The following LSAMP variants were observed in gnomAD, a reference collection of about 807,000 sequenced individuals.
LSAMP encodes limbic system associated membrane protein, also known as limbic system-associated membrane protein.
Under a neutral mutation model 38.6 loss-of-function variants are expected in LSAMP, and 7 were observed. That is an observed-to-expected ratio of 0.18 (90% CI 0.10 to 0.34). The LOEUF is 0.34. Ranked by LOEUF, LSAMP falls within the 10% of genes least tolerant of loss-of-function variation. The pLI is 1.00. For missense variants in LSAMP, 313 were observed against 420.0 expected, an observed-to-expected ratio of 0.75 and a Z score of 2.23; for synonymous variants, 154 against 166.8, an observed-to-expected ratio of 0.92 and a Z score of 0.59.
chr3:115,944,719 A>G (rs1233544208), intron 3 of LSAMP, among the ~76,000 whole-genome samples: 2 of 152,172 alleles, frequency 1.3e-5, no homozygotes, highest in Non-Finnish European at 2.9e-5. Flanking sequence ...TTGAGGCCCA[A>G]TGAGTTAAGA....
intron 3 of LSAMP, among the ~76,000 whole-genome samples, chr3:115,995,938 T>C (rs916143560): frequency 6.6e-6 from 1 of 152,030 alleles, no homozygotes; most frequent in Non-Finnish European, 1.5e-5. Context: ...AGATACAATA[T>C]ATTAACAATC....
chr3:116,041,118 C>G (rs1941161662), intron 2 of LSAMP, among the ~76,000 whole-genome samples: 1 of 152,052 alleles, frequency 6.6e-6, no homozygotes, highest in African/African-American at 2.4e-5. Flanking sequence ...GAAATTGGGT[C>G]TCACTATATT....
intron 3 of LSAMP, among the ~76,000 whole-genome samples, chr3:115,996,776 C>G (rs1013444015): frequency 1.1e-4 from 17 of 151,866 alleles, no homozygotes; most frequent in Non-Finnish European, 2.1e-4. Context: ...TCATTTCCTC[C>G]CCTCCTCTCA....
chr3:116,144,340 T>C lies in LSAMP; in HGVS notation c.156-57784A>G, dbSNP rs548274710. 1.3e-4 allele frequency among the ~76,000 whole-genome samples: 20 copies of C among 151,960 alleles called. 1 individual carries two copies. The highest frequency in any genetic ancestry group is 2.0e-4 in the Admixed American group (3 of 15,236). ...TTGCTTGTGACCAGCCTGGGTAATA[T>C]AGTGAGACCTTGTCACTACAAAAAA... On this transcript the variant is annotated intron_variant, in intron 1 of 6. Coordinates refer to ENST00000490035, the MANE Select transcript of LSAMP (RefSeq NM_002338.5).
chr3:116,313,252 C>T (rs1303976392), intron 1 of LSAMP, among the ~76,000 whole-genome samples: 1 of 152,202 alleles, frequency 6.6e-6, no homozygotes, highest in Admixed American at 6.5e-5. Flanking sequence ...GTTGGAGTCA[C>T]AGGAAACAAA....
chr3:116,188,847 G>C (rs1039399933), intron 1 of LSAMP, among the ~76,000 whole-genome samples: 2 of 152,182 alleles, frequency 1.3e-5, no homozygotes, highest in African/African-American at 4.8e-5. Flanking sequence ...ACGATAGAAA[G>C]ATGAATGAGG....
chr3:115,981,092 T>C (rs1939344861), intron 3 of LSAMP, among the ~76,000 whole-genome samples: 1 of 152,052 alleles, frequency 6.6e-6, no homozygotes, highest in African/African-American at 2.4e-5. Context: ...AGCAATGACA[T>C]GGCATTCATG....
At chr3:115,922,397 C>T (rs1231202583) in intron 3 of LSAMP, among the ~76,000 whole-genome samples, 2 of 151,916 alleles carry the variant, frequency 1.3e-5, no homozygotes, top group Non-Finnish European at 2.9e-5. Flanking sequence ...AGAGCATTCT[C>T]CAGCTCCAAA....
At chr3:115,816,021 CAGAG>C (rs1934006143) in intron 6 of LSAMP, among the ~76,000 whole-genome samples, 1 of 152,090 alleles carries the variant, frequency 6.6e-6, no homozygotes, top group African/African-American at 2.4e-5. Context: ...CTCTGAGACT[CAGAG>C]AGGAAGATGC....
intron 3 of LSAMP, among the ~76,000 whole-genome samples, chr3:115,909,465 T>C (rs1203679788): frequency 1.3e-5 from 2 of 152,192 alleles, no homozygotes; most frequent in Admixed American, 6.5e-5. Flanking sequence ...GGTGTCATCA[T>C]TCACCTAGCT....
At chr3:116,199,395 G>C (rs2045958855) in intron 1 of LSAMP, among the ~76,000 whole-genome samples, 1 of 152,054 alleles carries the variant, frequency 6.6e-6, no homozygotes, top group African/African-American at 2.4e-5. Context: ...TTTTACACTA[G>C]TATTATACTT....
chr3:116,282,491 T>C (rs2047139889), intron 1 of LSAMP, among the ~76,000 whole-genome samples: 1 of 152,192 alleles, frequency 6.6e-6, no homozygotes, highest in Admixed American at 6.5e-5. Flanking sequence ...GTGAAACACG[T>C]AGTTGTGATA....
chr3:116,191,335 A>C (rs1424582997), intron 1 of LSAMP, among the ~76,000 whole-genome samples: 1 of 152,198 alleles, frequency 6.6e-6, no homozygotes, highest in Admixed American at 6.5e-5. Flanking sequence ...ATAAGAACGC[A>C]ACATAAGAGA....
At chr3:116,398,028 T>C (rs2048791589) in intron 1 of LSAMP, among the ~76,000 whole-genome samples, 1 of 152,098 alleles carries the variant, frequency 6.6e-6, no homozygotes, top group African/African-American at 2.4e-5. Flanking sequence ...GAATATACTT[T>C]TACATAGCAT....
rs972080834 is a variant in LSAMP, at chr3:116,445,458, C to A, written c.-427G>T. ...GGCGAGGGAGCCGGCACCAAGCCTG[C>A]CAGTGAGTGTACAGAAACAGCCACA... On this transcript the variant is annotated 5_prime_UTR_variant, in exon 1 of 7. Coordinates refer to ENST00000490035, the MANE Select transcript of LSAMP (RefSeq NM_002338.5). 1.1e-5 allele frequency: 5 copies of A among 450,518 alleles called. No individual in the cohort carries two copies. The highest frequency in any genetic ancestry group is 1.9e-5 in the Non-Finnish European group (5 of 258,302). 27.9% of individuals were successfully genotyped at this position (450,518 alleles called of 1,614,324 possible).
chr3:115,997,486 A>G (rs1372660636), intron 3 of LSAMP, among the ~76,000 whole-genome samples: 4 of 151,740 alleles, frequency 2.6e-5, no homozygotes, highest in African/African-American at 9.7e-5. Flanking sequence ...AGCTTTCTTT[A>G]GGATGCCATG....
At chr3:116,280,212 C>T (rs965602154) in intron 1 of LSAMP, among the ~76,000 whole-genome samples, 5 of 152,098 alleles carry the variant, frequency 3.3e-5, no homozygotes, top group Non-Finnish European at 5.9e-5. Context: ...CATATTTCAC[C>T]GAAATCACAT....
chr3:115,997,141 G>C (rs1322198960), intron 3 of LSAMP, among the ~76,000 whole-genome samples: 1 of 152,128 alleles, frequency 6.6e-6, no homozygotes, highest in African/African-American at 2.4e-5. Context: ...AATACATCTG[G>C]AATGGGGCTA....
At chr3:116,036,344 T>C (rs1941045163) in intron 2 of LSAMP, among the ~76,000 whole-genome samples, 1 of 152,192 alleles carries the variant, frequency 6.6e-6, no homozygotes, top group South Asian at 2.1e-4. Flanking sequence ...AGTCTACTCA[T>C]CCATTTCTTC....
Sources: allele counts gnomAD v4.1 joint callset (sites outside exome capture counted in the v4.1 genomes callset), GRCh38; gene constraint gnomAD v4.1.1; transcripts MANE v1.5; gene names NCBI Gene and HGNC (gene_info 2026-07-23, HGNC 2026-07-21).